Variants in ZNF503 observed in about 807,000 individuals in gnomAD.
ZNF503 encodes NocA-like zinc finger 2.
A neutral mutation model predicts 34.4 loss-of-function variants in ZNF503; 15 were observed. That is an observed-to-expected ratio of 0.44 (90% CI 0.29 to 0.67). The LOEUF (loss-of-function observed/expected upper bound fraction) is 0.67, where lower values mean the gene tolerates loss of function less well. Among genes scored for constraint, ZNF503 ranks in the 30% least tolerant of loss-of-function variants. ZNF503 has a pLI of 0.13. For synonymous variants in ZNF503, 580 were observed against 456.8 expected (o/e 1.27, Z -3.44); for missense variants, 1,007 against 926.8 (o/e 1.09, Z -1.12).
Position 75,399,836 on chromosome 10 carries a change from C to G in ZNF503, c.854G>C (p.Ser285Thr), listed in dbSNP as rs755284288. The change falls in exon 2 of 2, where the codon AGC (serine) becomes ACC (threonine). Residue 285 changes from serine to threonine, a missense_variant. Physicochemically the swap from Ser to Thr is moderately conservative, Grantham distance 58. Coordinates refer to ENST00000372524, the MANE Select transcript of ZNF503 (RefSeq NM_032772.6). ...ATCCACATTAATCCCGCCGCCGCAG[C>G]TAATCCGGCCGTGTGCCAGCCCCGT... is the stretch of plus-strand genomic sequence containing the variant. Reference protein sequence around the residue: ...GPTGLAHGRISCGGGINVDVN... With the variant: ...GPTGLAHGRITCGGGINVDVN... 5.6e-6 allele frequency: 9 copies of G among 1,604,708 alleles called. No homozygotes were observed. In the East Asian group the frequency reaches 6.7e-5, roughly 12 times the overall value.
the ZNF503 span, among the ~76,000 whole-genome samples, chr10:75,286,265 A>G: frequency 6.9e-6 from 1 of 144,308 alleles, no homozygotes; most frequent in Non-Finnish European, 1.5e-5. Context: ...AGCCTGGGAG[A>G]CAGAGCAATA....
chr10:75,310,082 G>C, the ZNF503 span, among the ~76,000 whole-genome samples: 1 of 152,146 alleles, frequency 6.6e-6, no homozygotes, highest in African/African-American at 2.4e-5. Context: ...TGAATACAGT[G>C]CTCTAAAATA....
chr10:75,367,215 A>AC, the ZNF503 span, among the ~76,000 whole-genome samples: 1 of 151,520 alleles, frequency 6.6e-6, no homozygotes, highest in Admixed American at 6.6e-5. Context: ...TTGTCTCTCT[A>AC]CCCCCCACCC....
chr10:75,372,815 C>T, the ZNF503 span, among the ~76,000 whole-genome samples: 1 of 152,190 alleles, frequency 6.6e-6, no homozygotes, highest in Non-Finnish European at 1.5e-5. Context: ...TCTTTGGGTC[C>T]CCATGGCACC....
chr10:75,321,205 T>C, the ZNF503 span, among the ~76,000 whole-genome samples: 1 of 152,318 alleles, frequency 6.6e-6, no homozygotes, highest in Non-Finnish European at 1.5e-5. Flanking sequence ...GTTAGTTTCC[T>C]GAGGCCTCCC....
chr10:75,318,949 T>C, the ZNF503 span, among the ~76,000 whole-genome samples: 2 of 150,314 alleles, frequency 1.3e-5, no homozygotes, highest in East Asian at 2.0e-4. Context: ...CTTCCTTCCC[T>C]CTCTCTCTCT....
chr10:75,310,904 A>G, the ZNF503 span, among the ~76,000 whole-genome samples: 308 of 152,364 alleles, frequency 2.0e-3, 1 homozygote, highest in Non-Finnish European at 3.8e-3. Context: ...TCATAACATA[A>G]TATGAAATGT....
the ZNF503 span, among the ~76,000 whole-genome samples, chr10:75,330,050 G>C: frequency 6.6e-6 from 1 of 152,118 alleles, no homozygotes; most frequent in Non-Finnish European, 1.5e-5. Flanking sequence ...CTTATTGAGA[G>C]CTTTAATTAT....
At chr10:75,390,395 C>G in the ZNF503 span, among the ~76,000 whole-genome samples, 1 of 150,202 alleles carries the variant, frequency 6.7e-6, no homozygotes, top group East Asian at 1.9e-4. Context: ...CTCTTCCTCC[C>G]CCTCCTCCTC....
the ZNF503 span, among the ~76,000 whole-genome samples, chr10:75,387,365 T>C: frequency 6.6e-6 from 1 of 152,248 alleles, no homozygotes; most frequent in African/African-American, 2.4e-5. Context: ...GCTGTGGGAC[T>C]TCAGGCATAC....
At chr10:75,366,774 C>A in the ZNF503 span, among the ~76,000 whole-genome samples, 1 of 152,230 alleles carries the variant, frequency 6.6e-6, no homozygotes, top group South Asian at 2.1e-4. Flanking sequence ...AAGCAGTCCT[C>A]AACCAGTGAC....
At chr10:75,298,219 A>G in the ZNF503 span, among the ~76,000 whole-genome samples, 2 of 152,216 alleles carry the variant, frequency 1.3e-5, no homozygotes, top group East Asian at 3.8e-4. Flanking sequence ...ACATACTGTA[A>G]AGCCTACACT....
At chr10:75,332,296 T>G in the ZNF503 span, among the ~76,000 whole-genome samples, 2 of 152,096 alleles carry the variant, frequency 1.3e-5, no homozygotes, top group Non-Finnish European at 2.9e-5. Flanking sequence ...CTTTTCACTG[T>G]GTTCCAAATC....
downstream of ZNF503, among the ~76,000 whole-genome samples, chr10:75,396,245 G>C (rs984906232): frequency 1.3e-5 from 2 of 152,226 alleles, no homozygotes; most frequent in African/African-American, 2.4e-5. This position sits in a 1 kb window ranked among gnomAD's most constrained non-coding sequence, Gnocchi z 4.4. Flanking sequence ...CGGGACCAGA[G>C]TGGGACCGGG....
At chr10:75,386,306 G>A in the ZNF503 span, among the ~76,000 whole-genome samples, 37 of 152,324 alleles carry the variant, frequency 2.4e-4, no homozygotes, top group Admixed American at 9.1e-4. Context: ...GGAGCTCCAA[G>A]ATGGAAAGAA....
the ZNF503 span, among the ~76,000 whole-genome samples, chr10:75,297,809 G>T: frequency 4.6e-5 from 7 of 152,180 alleles, no homozygotes; most frequent in Admixed American, 4.6e-4. Flanking sequence ...CCATAAAGAG[G>T]TGAAGAAACA....
In ZNF503 at chr10:75,399,884, C is replaced by A. The variant is rs1053361594; in HGVS notation, c.806G>T (p.Gly269Val). Residue 269 changes from glycine to valine, a missense_variant, in exon 2 of 2, where the codon GGC (glycine) becomes GTC (valine). By Grantham distance (109) the Gly-to-Val change is moderately radical (BLOSUM62 -3). Transcript: ENST00000372524. ...DVGGGGKGTG[G>V]ASAEGGPTGL... The stretch of plus-strand genomic sequence containing the variant: ...CGTGGGTCCCCCTTCGGCCGAGGCG[C>A]CCCCGGTGCCCTTGCCACCGCCGCC... The A allele has an allele frequency of 1.9e-6, 3 of 1,600,438 alleles. No individual in the cohort carries two copies. Among genetic ancestry groups the A allele is most frequent in the African/African-American group, 2.7e-5 (2 of 74,668 alleles).
chr10:75,280,664 C>T, the ZNF503 span, among the ~76,000 whole-genome samples: 1 of 151,934 alleles, frequency 6.6e-6, no homozygotes, highest in East Asian at 1.9e-4. Flanking sequence ...CAGCCCCATG[C>T]TAGGTTCTGG....
chr10:75,281,295 A>C, the ZNF503 span, among the ~76,000 whole-genome samples: 3 of 152,244 alleles, frequency 2.0e-5, no homozygotes, highest in African/African-American at 7.2e-5. Flanking sequence ...TCCCATCTGC[A>C]TGGAGGAGAC....
Sources: gnomAD v4.1 joint callset for allele counts (sites outside exome capture counted in the v4.1 genomes callset) on GRCh38, gnomAD v4.1.1 for gene constraint, Gnocchi (gnomAD v3.1) non-coding constraint, MANE v1.5 for transcripts, NCBI Gene and HGNC (gene_info 2026-07-23, HGNC 2026-07-21) for gene names.